The following PHF6 variants were observed in gnomAD, a reference collection of about 807,000 sequenced individuals.
PHF6 encodes the protein PHD-like zinc finger protein.
In PHF6, 7 loss-of-function variants were observed where a neutral mutation model predicts 34.0. The observed-to-expected ratio is 0.21, with a 90% CI of 0.12 to 0.39. The LOEUF (loss-of-function observed/expected upper bound fraction) is 0.39. Ranked by LOEUF, PHF6 falls within the 10% of genes least tolerant of loss-of-function variation. The pLI is 1.00. For missense variants in PHF6, 128 were observed against 262.8 expected (o/e 0.49, Z 3.55); for synonymous variants, 89 against 88.4 (o/e 1.01, Z -0.04).
intron 5 of PHF6, among the ~76,000 whole-genome samples, chrX:134,397,665 G>A (rs1002577839): frequency 9.0e-6 from 1 of 111,187 alleles, no homozygotes; most frequent in African/African-American, 3.3e-5. Flanking sequence ...TAAAAAGAAA[G>A]CATTTCTGAT....
intron 5 of PHF6, among the ~76,000 whole-genome samples, chrX:134,395,385 G>A (rs1049956752): frequency 8.9e-6 from 1 of 112,025 alleles, no homozygotes; most frequent in Non-Finnish European, 1.9e-5. Flanking sequence ...TATAAAACCA[G>A]GTTAGTCATG....
chrX:134,377,016 T>C (rs1233343784), intron 1 of PHF6, among the ~76,000 whole-genome samples: 5 of 111,970 alleles, frequency 4.5e-5, no homozygotes, highest in African/African-American at 1.6e-4. Flanking sequence ...TAGTAGCTTT[T>C]ACCGTGTTCT....
intron 3 of PHF6, among the ~76,000 whole-genome samples, chrX:134,390,178 A>G (rs2077347248): frequency 8.9e-6 from 1 of 111,884 alleles, no homozygotes; most frequent in Non-Finnish European, 1.9e-5. Context: ...TAAGCAAGCA[A>G]ATGTAAACAT....
At chrX:134,409,593 C>T (rs73573265) in intron 5 of PHF6, among the ~76,000 whole-genome samples, 32 of 109,965 alleles carry the variant, frequency 2.9e-4, no homozygotes, top group African/African-American at 9.6e-4. Flanking sequence ...TCTATCTCTC[C>T]ATTTAGGGGC....
At chrX:134,403,820 T>C (rs1175640661) in intron 5 of PHF6, among the ~76,000 whole-genome samples, 1 of 112,123 alleles carries the variant, frequency 8.9e-6, no homozygotes, top group African/African-American at 3.2e-5. Context: ...CTGTTTATAC[T>C]CTATAAATGA....
At chrX:134,393,727 C>T in intron 4 of PHF6, 93 bp downstream of exon 4, 3 of 897,951 alleles carry the variant, frequency 3.3e-6, no homozygotes, top group Non-Finnish European at 4.7e-6. Context: ...AGCATTTCAT[C>T]ATCATCATAA....
chrX:134,415,855 C>T (rs1051317617), intron 8 of PHF6, among the ~76,000 whole-genome samples: 11 of 111,590 alleles, frequency 9.9e-5, no homozygotes, highest in African/African-American at 2.6e-4. Flanking sequence ...CCTCAGACTT[C>T]GTATCACTAT....
At chrX:134,394,125 C>T (rs1265952024) in intron 5 of PHF6, among the ~76,000 whole-genome samples, 173 bp downstream of exon 5, 2 of 110,097 alleles carry the variant, frequency 1.8e-5, no homozygotes. Flanking sequence ...TGAAAAAGAT[C>T]TGAACTTCTT....
At chrX:134,389,876 A>G (rs1196634867) in intron 3 of PHF6, among the ~76,000 whole-genome samples, 3 of 111,691 alleles carry the variant, frequency 2.7e-5, no homozygotes, top group Non-Finnish European at 5.6e-5. Flanking sequence ...ATGAGAAAAA[A>G]TATGCCATAA....
intron 5 of PHF6, among the ~76,000 whole-genome samples, chrX:134,399,734 A>G (rs1476096267): frequency 1.8e-5 from 2 of 110,097 alleles, no homozygotes; most frequent in Admixed American, 1.9e-4. Context: ...AACATCCCAC[A>G]CCAGAGTGGT....
rs1031981303 is a variant in PHF6 at position 134,383,957 on chromosome X, T to C, written c.240+5851T>C. On this transcript the variant is annotated intron_variant, in intron 3 of 10. Coordinates refer to ENST00000370803, the MANE Select transcript of PHF6 (RefSeq NM_001015877.2). ...GGACATAATCAGACTCCTATTAATA[T>C]GTTCTGTTAAATAGTAATATCTTGT... Among the ~76,000 whole-genome samples, 3 of 112,494 alleles carry C rather than the reference T, an allele frequency of 2.7e-5. No homozygotes were observed. In the Admixed American group the frequency reaches 2.8e-4, roughly 11 times the overall value.
intron 1 of PHF6, among the ~76,000 whole-genome samples, chrX:134,375,545 A>G (rs2077274904): frequency 8.9e-6 from 1 of 111,822 alleles, no homozygotes; most frequent in Admixed American, 9.5e-5. Context: ...CTTTATAGCC[A>G]GTGCTAGGAT....
chrX:134,397,735 T>G (rs777370797), intron 5 of PHF6, among the ~76,000 whole-genome samples: 15 of 112,083 alleles, frequency 1.3e-4, no homozygotes, highest in Non-Finnish European at 2.4e-4. Context: ...CCTTCCGGAA[T>G]TATATACAAG....
At chrX:134,402,039 G>A (rs2077404664) in intron 5 of PHF6, among the ~76,000 whole-genome samples, 1 of 110,942 alleles carries the variant, frequency 9.0e-6, no homozygotes, top group Non-Finnish European at 1.9e-5. Flanking sequence ...TCTGTTGCCC[G>A]GGCTGGAGTG....
intron 5 of PHF6, among the ~76,000 whole-genome samples, chrX:134,399,440 G>A (rs1476691274): frequency 9.0e-6 from 1 of 111,223 alleles, no homozygotes; most frequent in Non-Finnish European, 1.9e-5. Flanking sequence ...TGTAACAAAT[G>A]TACCACTCTG....
Position 134,411,756 on chromosome X carries a change from G to A in PHF6, c.419-1735G>A, listed in dbSNP as rs191809729. On this transcript the variant is annotated intron_variant, in intron 5 of 10. Coordinates refer to ENST00000370803, the MANE Select transcript of PHF6 (RefSeq NM_001015877.2). The stretch of plus-strand genomic sequence containing the variant: ...AGTGCAAGTAATTCTTTTTTGAGAT[G>A]GAATCTTGCTCTGTCACCCAGGCTG... Among the ~76,000 whole-genome samples, 6 of 110,914 alleles carry A rather than the reference G, an allele frequency of 5.4e-5. No homozygotes were observed. The East Asian group carries it at 1.7e-3, about 32-fold the overall frequency.
chrX:134,389,442 A>G lies in PHF6; in HGVS notation c.241-4059A>G, dbSNP rs777569547. ...ACAGTCATTCTGCTGAAGGCCCAGT[A>G]GGGACTGTGGTAAATTGGAGAGCAA... On this transcript the variant is annotated intron_variant, in intron 3 of 10. Coordinates refer to ENST00000370803, the MANE Select transcript of PHF6 (RefSeq NM_001015877.2). Among the ~76,000 whole-genome samples the G allele has an allele frequency of 9.8e-5, 11 of 111,919 alleles. No homozygotes were observed. In the East Asian group the frequency reaches 2.5e-3, roughly 26 times the overall value.
intron 5 of PHF6, among the ~76,000 whole-genome samples, chrX:134,410,660 ATTTTT>A (rs1382890261): frequency 6.7e-5 from 6 of 89,893 alleles, no homozygotes; most frequent in Non-Finnish European, 1.1e-4. Flanking sequence ...ATTTTATTTT[ATTTTT>A]GAGACAGAGT....
intron 1 of PHF6, among the ~76,000 whole-genome samples, chrX:134,374,714 G>A (rs1048126074): frequency 2.7e-5 from 3 of 112,316 alleles, no homozygotes; most frequent in African/African-American, 6.5e-5. Context: ...TTGGTGCTTC[G>A]CAGCATCTTG....
Sources: allele counts gnomAD v4.1 joint callset (sites outside exome capture counted in the v4.1 genomes callset), GRCh38; gene constraint gnomAD v4.1.1; transcripts MANE v1.5; gene names NCBI Gene and HGNC (gene_info 2026-07-23, HGNC 2026-07-21).